Variants in EYS observed in about 807,000 individuals in gnomAD.
The protein encoded by EYS is EGF-like photoreceptor maintenance factor.
In EYS, 250 loss-of-function variants were observed where a neutral mutation model predicts 282.1. The observed-to-expected ratio is 0.89, with a 90% confidence interval of 0.80 to 0.98. The LOEUF (loss-of-function observed/expected upper bound fraction) is 0.98, where lower values mean the gene tolerates loss of function less well. Among genes scored for constraint, EYS ranks in the 50% least tolerant of loss-of-function variants. EYS has a pLI of 0.00. For missense variants in EYS, 4,016 were observed against 3,709.0 expected (o/e 1.08, Z -2.15); for synonymous variants, 1,355 against 1,282.9 (o/e 1.06, Z -1.20).
intron 5 of EYS, among the ~76,000 whole-genome samples, chr6:65,476,965 T>A (rs1188560287): frequency 1.3e-5 from 2 of 152,200 alleles, no homozygotes; most frequent in Non-Finnish European, 2.9e-5. Flanking sequence ...AAATTTCGAA[T>A]TTTTATTCAT....
At chr6:64,344,570 T>C (rs1771291085) in intron 29 of EYS, among the ~76,000 whole-genome samples, 2 of 152,112 alleles carry the variant, frequency 1.3e-5, no homozygotes, top group Non-Finnish European at 2.9e-5. Flanking sequence ...GAGCTATCTA[T>C]GACAAACCCA....
intron 14 of EYS, among the ~76,000 whole-genome samples, chr6:64,969,043 T>G (rs1770200546): frequency 6.6e-6 from 1 of 152,002 alleles, no homozygotes; most frequent in Admixed American, 6.6e-5. Context: ...TCCTTCACTC[T>G]CTCACAGACA....
chr6:64,674,123 A>C (rs562372598), intron 22 of EYS, among the ~76,000 whole-genome samples: 2 of 152,240 alleles, frequency 1.3e-5, no homozygotes, highest in African/African-American at 4.8e-5. Context: ...GAGGCCTATG[A>C]ACTTCAATAA....
chr6:64,211,841 T>A (rs1765784386), intron 31 of EYS, among the ~76,000 whole-genome samples: 1 of 151,638 alleles, frequency 6.6e-6, no homozygotes, highest in Non-Finnish European at 1.5e-5. Flanking sequence ...TTTGGCCAGG[T>A]ACGGTGGCTC....
chr6:64,941,379 C>CA (rs201037781), intron 15 of EYS, among the ~76,000 whole-genome samples: 5,676 of 148,582 alleles, frequency 0.038, 159 homozygotes, highest in East Asian at 0.14. Context: ...GAGTCTGCCT[C>CA]AAAAAAAAAA....
intron 2 of EYS, among the ~76,000 whole-genome samples, chr6:65,618,387 T>A (rs1199736692): frequency 6.6e-6 from 1 of 152,256 alleles, no homozygotes; most frequent in Admixed American, 6.5e-5. Context: ...TTCGCCCACT[T>A]TTCGATGGGG....
intron 32 of EYS, among the ~76,000 whole-genome samples, chr6:64,071,988 G>A (rs968628800): frequency 6.6e-6 from 1 of 151,592 alleles, no homozygotes; most frequent in Non-Finnish European, 1.5e-5. Flanking sequence ...ATATAGAGCC[G>A]GGGGGACATA....
At chr6:64,158,388 T>G (rs1199394709) in intron 31 of EYS, among the ~76,000 whole-genome samples, 13 of 152,204 alleles carry the variant, frequency 8.5e-5, no homozygotes, top group African/African-American at 3.1e-4. Context: ...CAAACTAATA[T>G]TTGATGCTGA....
At chr6:65,648,011 A>C (rs199918595) in intron 1 of EYS, among the ~76,000 whole-genome samples, 1 of 45,642 alleles carries the variant, frequency 2.2e-5, no homozygotes, top group Non-Finnish European at 4.9e-5. Flanking sequence ...GAATGGCCAA[A>C]ATAAAATAAA....
chr6:64,343,519 G>T (rs1416377494), intron 29 of EYS, among the ~76,000 whole-genome samples: 1 of 151,956 alleles, frequency 6.6e-6, no homozygotes, highest in Admixed American at 6.6e-5. Context: ...CGAGAACAAA[G>T]ACACAACATA....
At chr6:64,544,955 G>C (rs1453529441) in intron 26 of EYS, among the ~76,000 whole-genome samples, 2 of 152,144 alleles carry the variant, frequency 1.3e-5, no homozygotes, top group Non-Finnish European at 2.9e-5. Flanking sequence ...GTAGGAGCTG[G>C]TACGATTCCT....
intron 22 of EYS, among the ~76,000 whole-genome samples, chr6:64,689,472 AC>A (rs1770289605): frequency 6.8e-6 from 1 of 146,428 alleles, no homozygotes; most frequent in African/African-American, 2.5e-5. Context: ...AAAAAAAAAA[AC>A]TACTTTAAAG....
chr6:63,901,140 G>T (rs1227949437), intron 35 of EYS, among the ~76,000 whole-genome samples: 2 of 152,116 alleles, frequency 1.3e-5, no homozygotes, highest in Non-Finnish European at 2.9e-5. Context: ...AATTGTGATG[G>T]CAACCACTTA....
Position 65,443,326 on chromosome 6 carries a change from GCATA to G in EYS, c.863-37963_863-37960del, listed in dbSNP as rs1562186240. ...TGTGTGTACACATATAGACATATATGCATACATGTATGTACACATATAGACATAT... is the reference window on the plus strand; with the variant it reads ...TGTGTGTACACATATAGACATATATGCATGTATGTACACATATAGACATAT... On this transcript the variant is annotated intron_variant, in intron 5 of 42. Transcript: ENST00000503581. 2.2e-4 allele frequency among the ~76,000 whole-genome samples: 29 copies of G among 130,670 alleles called. 8 individuals are homozygous for G. Among genetic ancestry groups the G allele is most frequent in the Non-Finnish European group, 3.7e-4 (21 of 57,400 alleles). 85.7% of individuals were successfully genotyped at this position (130,670 alleles called of 152,430 possible).
At chr6:64,017,238 C>A (rs1228473902) in intron 33 of EYS, among the ~76,000 whole-genome samples, 1 of 151,970 alleles carries the variant, frequency 6.6e-6, no homozygotes, top group Non-Finnish European at 1.5e-5. Context: ...GTGTTGGTGG[C>A]AGGTTCCTGG....
At chr6:64,645,695 T>C (rs1250369240) in intron 22 of EYS, among the ~76,000 whole-genome samples, 2 of 107,832 alleles carry the variant, frequency 1.9e-5, no homozygotes, top group East Asian at 4.4e-4. Context: ...AAATAATAAG[T>C]GTAATAATAA....
intron 12 of EYS, among the ~76,000 whole-genome samples, chr6:65,063,720 C>A (rs1387415075): frequency 2.0e-5 from 3 of 151,984 alleles, no homozygotes; most frequent in Non-Finnish European, 2.9e-5. Flanking sequence ...AAACTCTTGA[C>A]CTTCTGTTAT....
At chr6:65,087,774 A>G (rs1412620878) in intron 12 of EYS, among the ~76,000 whole-genome samples, 5 of 152,184 alleles carry the variant, frequency 3.3e-5, no homozygotes, top group Non-Finnish European at 7.3e-5. Context: ...TTCTGATCAC[A>G]TTCTTCATAT....
intron 2 of EYS, among the ~76,000 whole-genome samples, chr6:65,520,744 A>T (rs1767334539): frequency 6.6e-6 from 1 of 151,980 alleles, no homozygotes; most frequent in Non-Finnish European, 1.5e-5. Context: ...TGTTATGTCT[A>T]TCCTATTTAC....
Sources: gnomAD v4.1 joint callset for allele counts (sites outside exome capture counted in the v4.1 genomes callset) on GRCh38, gnomAD v4.1.1 for gene constraint, MANE v1.5 for transcripts, NCBI Gene and HGNC (gene_info 2026-07-23, HGNC 2026-07-21) for gene names.